The following CNTN6 variants were observed in gnomAD, a reference collection of about 807,000 sequenced individuals.
CNTN6 encodes the protein contactin-6.
In CNTN6, 137 loss-of-function variants were observed where a neutral mutation model predicts 122.8. The ratio of observed to expected loss-of-function variants is 1.12; its 90% confidence interval spans 0.97 to 1.29. The LOEUF is 1.29. Among genes scored for constraint, CNTN6 ranks in the 50% most tolerant of loss-of-function variants. The pLI is 0.00. For missense variants in CNTN6, 1,634 were observed against 1,223.4 expected (o/e 1.34, Z -5.01); for synonymous variants, 570 against 426.0 (o/e 1.34, Z -4.16).
At chr3:1,110,213 G>A (rs544596162) in intron 1 of CNTN6, among the ~76,000 whole-genome samples, 5 of 152,238 alleles carry the variant, frequency 3.3e-5, no homozygotes, top group African/African-American at 1.2e-4. Context: ...GTCAGAAGAA[G>A]AGAATTGCTT....
intron 10 of CNTN6, among the ~76,000 whole-genome samples, chr3:1,327,909 TA>T (rs140171072): frequency 0.032 from 4,811 of 151,812 alleles, 124 homozygotes; most frequent in South Asian, 0.057. Flanking sequence ...TAAAAAGTAA[TA>T]AAAAAATCAC....
intron 5 of CNTN6, among the ~76,000 whole-genome samples, chr3:1,281,487 C>T (rs1306105621): frequency 6.4e-5 from 9 of 139,652 alleles, no homozygotes; most frequent in Admixed American, 1.5e-4. Flanking sequence ...TTTTTTGAGA[C>T]GGAGTCTCCT....
intron 16 of CNTN6, among the ~76,000 whole-genome samples, chr3:1,374,526 T>C: frequency 6.6e-6 from 1 of 152,078 alleles, no homozygotes; most frequent in Middle Eastern, 3.2e-3. Context: ...TTTTTTTCCA[T>C]GCAAATGAGG....
chr3:1,144,171 A>G (rs7635369), intron 1 of CNTN6, among the ~76,000 whole-genome samples: 28,362 of 152,170 alleles, frequency 0.19, 2,918 homozygotes, highest in African/African-American at 0.25. Context: ...TCAAGGTAAA[A>G]TGCAAAACCC....
At chr3:1,225,865 A>C (rs1358559552) in intron 3 of CNTN6, among the ~76,000 whole-genome samples, 2 of 152,184 alleles carry the variant, frequency 1.3e-5, no homozygotes, top group East Asian at 3.9e-4. Flanking sequence ...ATAATTTCAA[A>C]GTTAACAGAG....
chr3:1,153,820 A>T (rs2092902156), intron 2 of CNTN6, among the ~76,000 whole-genome samples: 1 of 152,234 alleles, frequency 6.6e-6, no homozygotes, highest in Admixed American at 6.5e-5. Context: ...TCACACAGCA[A>T]ATCCATGAAA....
intron 7 of CNTN6, among the ~76,000 whole-genome samples, chr3:1,312,811 C>T (rs1010362433): frequency 4.2e-5 from 6 of 142,036 alleles, no homozygotes; most frequent in South Asian, 2.2e-4. Flanking sequence ...TGGTTCAAAT[C>T]CTTTTTTTTT....
intron 1 of CNTN6, among the ~76,000 whole-genome samples, chr3:1,097,133 C>T (rs76590505): frequency 0.011 from 1,607 of 152,224 alleles, 11 homozygotes; most frequent in Non-Finnish European, 0.017. Flanking sequence ...ACATTTATTA[C>T]GGTAAAGGCG....
At chr3:1,298,749 A>T (rs938532143) in intron 7 of CNTN6, among the ~76,000 whole-genome samples, 1 of 152,056 alleles carries the variant, frequency 6.6e-6, no homozygotes, top group African/African-American at 2.4e-5. Flanking sequence ...TCATATTCTG[A>T]CTCTAGAGGT....
chr3:1,178,507 A>G (rs116478896), intron 2 of CNTN6, among the ~76,000 whole-genome samples: 2,808 of 152,262 alleles, frequency 0.018, 37 homozygotes, highest in Middle Eastern at 0.065. Context: ...TCAATATATG[A>G]ATTAGAGTTA....
At chr3:1,323,025 A>G (rs990200464) in intron 8 of CNTN6, among the ~76,000 whole-genome samples, 2 of 151,708 alleles carry the variant, frequency 1.3e-5, no homozygotes, top group Admixed American at 1.3e-4. Context: ...TTTCCATTTT[A>G]TATATAATAG....
chr3:1,200,641 A>G (rs1575208372), intron 2 of CNTN6, among the ~76,000 whole-genome samples: 1 of 152,158 alleles, frequency 6.6e-6, no homozygotes, highest in African/African-American at 2.4e-5. Context: ...CATGACATGC[A>G]TATGTGTATA....
chr3:1,372,756 C>T (rs1222738631), intron 13 of CNTN6, 82 bp from the exon 14 acceptor site: 7 of 814,126 alleles, frequency 8.6e-6, no homozygotes, highest in East Asian at 5.3e-5. Context: ...TTTTATGTTT[C>T]GTATTTATCC....
chr3:1,199,396 T>C (rs1283990151), intron 2 of CNTN6, among the ~76,000 whole-genome samples: 3 of 151,860 alleles, frequency 2.0e-5, no homozygotes, highest in Non-Finnish European at 2.9e-5. Context: ...CCAAAGCTGG[T>C]CTCAAACTCC....
At chr3:1,376,046 C>A (rs116733820) in intron 16 of CNTN6, among the ~76,000 whole-genome samples, 166 of 152,222 alleles carry the variant, frequency 1.1e-3, no homozygotes, top group African/African-American at 3.8e-3. Context: ...ACCACCTCTC[C>A]TATTGTTCAG....
chr3:1,387,211 GCTGTGGAACTGCAAAAGC>G (rs1469797828), intron 20 of CNTN6, among the ~76,000 whole-genome samples: 4 of 152,124 alleles, frequency 2.6e-5, no homozygotes, highest in South Asian at 2.1e-4. Context: ...AATACAAAGT[GCTGTGGAACTGCAAAAGC>G]CTGTGGAGCA....
chr3:1,276,384 T>TGAC (rs1323150757), intron 4 of CNTN6, among the ~76,000 whole-genome samples: 1 of 152,200 alleles, frequency 6.6e-6, no homozygotes, highest in Non-Finnish European at 1.5e-5. Context: ...TTCAATGACA[T>TGAC]GACTTTCTAT....
chr3:1,175,278 C>A (rs1457240981), intron 2 of CNTN6, among the ~76,000 whole-genome samples: 1 of 148,636 alleles, frequency 6.7e-6, no homozygotes, highest in African/African-American at 2.5e-5. Flanking sequence ...AAGGAAAATT[C>A]CACTTGATCT....
intron 11 of CNTN6, among the ~76,000 whole-genome samples, chr3:1,344,824 A>G (rs1704422179): frequency 6.6e-6 from 1 of 152,150 alleles, no homozygotes; most frequent in Admixed American, 6.6e-5. Flanking sequence ...CCTCTTGTTC[A>G]GAACTGATTA....
Sources: gnomAD v4.1 joint callset for allele counts (sites outside exome capture counted in the v4.1 genomes callset) on GRCh38, gnomAD v4.1.1 for gene constraint, MANE v1.5 for transcripts, NCBI Gene and HGNC (gene_info 2026-07-23, HGNC 2026-07-21) for gene names.